The following FNDC3B variants were observed in gnomAD, a reference collection of about 807,000 sequenced individuals.
The protein encoded by FNDC3B is fibronectin type III domain-containing protein 3B.
A neutral mutation model predicts 151.5 loss-of-function variants in FNDC3B; 12 were observed. The ratio of observed to expected loss-of-function variants is 0.08; its 90% CI spans 0.05 to 0.13. The LOEUF is 0.13. FNDC3B is among the 10% of genes least tolerant of loss of function. The pLI is 1.00. For missense variants in FNDC3B, 1,214 were observed against 1,505.3 expected, an observed-to-expected ratio of 0.81 and a Z score of 3.20; for synonymous variants, 528 against 549.0, an observed-to-expected ratio of 0.96 and a Z score of 0.54.
At chr3:172,339,563 G>A (rs1406859977) in intron 16 of FNDC3B, among the ~76,000 whole-genome samples, 3 of 152,014 alleles carry the variant, frequency 2.0e-5, no homozygotes, top group Non-Finnish European at 4.4e-5. Context: ...ACTCTGTCTC[G>A]GAAGAAAAAA....
At chr3:172,230,517 G>C (rs1042755349) in intron 4 of FNDC3B, among the ~76,000 whole-genome samples, 3 of 147,382 alleles carry the variant, frequency 2.0e-5, no homozygotes, top group African/African-American at 5.0e-5. Context: ...AAAAAAAAAA[G>C]AACAACAACA....
intron 1 of FNDC3B, among the ~76,000 whole-genome samples, chr3:172,046,447 A>G (rs1315342905): frequency 6.6e-6 from 1 of 150,974 alleles, no homozygotes; most frequent in Non-Finnish European, 1.5e-5. Context: ...GTAGGGCTAT[A>G]GCTAGGACTA....
At chr3:172,063,261 A>C (rs1560389498) in intron 1 of FNDC3B, among the ~76,000 whole-genome samples, 1 of 152,054 alleles carries the variant, frequency 6.6e-6, no homozygotes, top group Non-Finnish European at 1.5e-5. Flanking sequence ...CCGCCACCAA[A>C]AATGCCTTCA....
rs973216228 is a variant in FNDC3B, at chr3:172,188,464, G to A, written c.188-38407G>A. On this transcript the variant is annotated intron_variant, in intron 3 of 25. Coordinates refer to ENST00000415807, the MANE Select transcript of FNDC3B (RefSeq NM_022763.4). ...CTCTGTCGCCAGGCTGGAGTGTAGCGACGCGATCTTGGCTCACTGCAACCT... is the reference window on the plus strand; with the variant it reads ...CTCTGTCGCCAGGCTGGAGTGTAGCAACGCGATCTTGGCTCACTGCAACCT... 6.6e-5 allele frequency among the ~76,000 whole-genome samples: 10 copies of A among 151,736 alleles called. No homozygotes were observed. The East Asian group carries it at 1.6e-3, about 24-fold the overall frequency.
chr3:172,276,151 A>G (rs568554594), intron 6 of FNDC3B, among the ~76,000 whole-genome samples: 7 of 152,342 alleles, frequency 4.6e-5, no homozygotes, highest in Admixed American at 3.9e-4. Context: ...AACAAATCCA[A>G]AATGTTTGGA....
intron 8 of FNDC3B, among the ~76,000 whole-genome samples, chr3:172,297,689 T>C (rs1355764426): frequency 1.3e-5 from 2 of 152,054 alleles, no homozygotes; most frequent in Non-Finnish European, 2.9e-5. Context: ...TTAGCCAGGA[T>C]GGTCTCGATC....
intron 11 of FNDC3B, among the ~76,000 whole-genome samples, chr3:172,324,830 G>A (rs192200845): frequency 6.6e-6 from 1 of 152,350 alleles, no homozygotes; most frequent in African/African-American, 2.4e-5. Context: ...TCTAATTCAG[G>A]TGAAGTATCT....
At chr3:172,354,235 A>AG (rs1322225725) in intron 22 of FNDC3B, among the ~76,000 whole-genome samples, 1 of 152,000 alleles carries the variant, frequency 6.6e-6, no homozygotes, top group Non-Finnish European at 1.5e-5. Context: ...ATATACAAAT[A>AG]GAAAAAAATT....
At chr3:172,049,942 G>C (rs1454852994) in intron 1 of FNDC3B, among the ~76,000 whole-genome samples, 2 of 152,192 alleles carry the variant, frequency 1.3e-5, no homozygotes, top group Non-Finnish European at 2.9e-5. Flanking sequence ...AATGCATTAG[G>C]TGTTAGAATT....
Position 172,318,783 on chromosome 3 carries a change from G to A in FNDC3B, c.1254+7902G>A, listed in dbSNP as rs530219316. On this transcript the variant is annotated intron_variant, in intron 11 of 25. Coordinates refer to ENST00000415807, the MANE Select transcript of FNDC3B (RefSeq NM_022763.4). Reference sequence around the variant, plus strand: ...TCTTGGCAACTGTGGGGATTGGAAAGTGGGGTTCTAAGTTCATTTTGGCTC... The same window carrying A: ...TCTTGGCAACTGTGGGGATTGGAAAATGGGGTTCTAAGTTCATTTTGGCTC... Among the ~76,000 whole-genome samples, 5 of 152,320 alleles carry A rather than the reference G, an allele frequency of 3.3e-5. No homozygotes were observed. In the East Asian group the frequency reaches 7.7e-4, roughly 23 times the overall value.
rs1264211566 is a variant in FNDC3B, at chr3:172,271,787, T to A, written c.791-14139T>A. 3.3e-5 allele frequency among the ~76,000 whole-genome samples: 5 copies of A among 152,234 alleles called. No homozygotes were observed. In the East Asian group the frequency reaches 9.6e-4, roughly 29 times the overall value. On this transcript the variant is annotated intron_variant, in intron 6 of 25. Transcript: ENST00000415807. ...CAGTGCAAGGCAGAGCAACAGGCTC[T>A]GCTTTGAGAATTATTGCTGGAGACA... is the stretch of plus-strand genomic sequence containing the variant.
Position 172,139,896 on chromosome 3 carries a change from A to G in FNDC3B, c.187+6350A>G, listed in dbSNP as rs578085711. On this transcript the variant is annotated intron_variant, in intron 3 of 25. Coordinates refer to ENST00000415807, the MANE Select transcript of FNDC3B (RefSeq NM_022763.4). Reference sequence around the variant, plus strand: ...TTGCAGCCTTGACCTCCTGAGCTCAAGTGATCTTCCCACCTTGGCCTCCCA... The same window carrying G: ...TTGCAGCCTTGACCTCCTGAGCTCAGGTGATCTTCCCACCTTGGCCTCCCA... Among the ~76,000 whole-genome samples the G allele has an allele frequency of 3.7e-4, 57 of 152,198 alleles. 1 individual carries two copies. The South Asian group carries it at 0.012, about 31-fold the overall frequency.
intron 5 of FNDC3B, among the ~76,000 whole-genome samples, chr3:172,249,960 A>AGAAATTATT (rs1261274923): frequency 2.1e-5 from 3 of 141,858 alleles, no homozygotes; most frequent in Non-Finnish European, 4.7e-5. Flanking sequence ...CTTGCCTTGA[A>AGAAATTATT]GAAATTATTG....
At chr3:172,119,042 C>T (rs562726271) in intron 2 of FNDC3B, among the ~76,000 whole-genome samples, 5 of 151,656 alleles carry the variant, frequency 3.3e-5, no homozygotes, top group South Asian at 4.2e-4. Context: ...TGGTGGTGGG[C>T]GCCTGTAGTC....
chr3:172,105,920 C>A (rs1336903721), intron 1 of FNDC3B, among the ~76,000 whole-genome samples: 1 of 152,138 alleles, frequency 6.6e-6, no homozygotes, highest in Non-Finnish European at 1.5e-5. Context: ...ACAGAACAAG[C>A]ATGTAGCAAG....
chr3:172,163,202 T>C (rs976775496), intron 3 of FNDC3B, among the ~76,000 whole-genome samples: 3 of 152,024 alleles, frequency 2.0e-5, no homozygotes, highest in African/African-American at 7.2e-5. Flanking sequence ...GCCCAGGAGT[T>C]TGAGGCTGCA....
intron 10 of FNDC3B, among the ~76,000 whole-genome samples, chr3:172,308,754 T>C (rs1196779594): frequency 6.6e-6 from 1 of 152,246 alleles, no homozygotes; most frequent in African/African-American, 2.4e-5. Flanking sequence ...AGGTCAGTGA[T>C]TCCCCACCTT....
chr3:172,169,582 AC>A (rs1483274403), intron 3 of FNDC3B, among the ~76,000 whole-genome samples: 4 of 152,246 alleles, frequency 2.6e-5, no homozygotes, highest in African/African-American at 7.2e-5. Context: ...GTAATTAAAA[AC>A]CACTCCATGG....
At chr3:172,128,093 C>T (rs1051760131) in intron 2 of FNDC3B, among the ~76,000 whole-genome samples, 2 of 152,174 alleles carry the variant, frequency 1.3e-5, no homozygotes, top group Non-Finnish European at 2.9e-5. Flanking sequence ...ATGTATCCTA[C>T]GGGTTGTGTT....
Sources: gnomAD v4.1 joint callset for allele counts (sites outside exome capture counted in the v4.1 genomes callset) on GRCh38, gnomAD v4.1.1 for gene constraint, MANE v1.5 for transcripts, NCBI Gene and HGNC (gene_info 2026-07-23, HGNC 2026-07-21) for gene names.